HMGB1: variants seen among roughly 807,000 people sequenced by gnomAD.
HMGB1 encodes high mobility group box 1.
For synonymous variants in HMGB1, 81 were observed against 84.0 expected, an observed-to-expected ratio of 0.96 and a Z score of 0.19; for missense variants, 79 against 253.5, an observed-to-expected ratio of 0.31 and a Z score of 4.67.
At chr13:30,478,150 G>C (rs910028109) in intron 1 of HMGB1, among the ~76,000 whole-genome samples, 4 of 152,170 alleles carry the variant, frequency 2.6e-5, no homozygotes, top group African/African-American at 7.2e-5. Context: ...TTTGACCAGT[G>C]ATTTTGCTTC....
chr13:30,469,554 C>G (rs1425502704), upstream of HMGB1, among the ~76,000 whole-genome samples: 1 of 120,330 alleles, frequency 8.3e-6, no homozygotes, highest in African/African-American at 2.6e-5. Context: ...GCAGCCTTGA[C>G]TTTCTGGGAC....
intron 1 of HMGB1, among the ~76,000 whole-genome samples, chr13:30,594,200 T>A (rs1274214008): frequency 6.6e-6 from 1 of 152,272 alleles, no homozygotes; most frequent in Non-Finnish European, 1.5e-5. Context: ...TCTTTATTTT[T>A]AAATTTAATT....
intron 1 of HMGB1, among the ~76,000 whole-genome samples, chr13:30,550,401 G>A (rs1869369505): frequency 6.6e-6 from 1 of 152,248 alleles, no homozygotes; most frequent in Non-Finnish European, 1.5e-5. Context: ...AGTGTGAGCA[G>A]TGCTAACGAC....
At chr13:30,592,333 A>T (rs1357547331) in intron 1 of HMGB1, among the ~76,000 whole-genome samples, 3 of 152,200 alleles carry the variant, frequency 2.0e-5, no homozygotes, top group Admixed American at 2.0e-4. Flanking sequence ...CACATAATTT[A>T]GAATGGGTAA....
chr13:30,611,967 TTC>T (rs1233046851), intron 1 of HMGB1, among the ~76,000 whole-genome samples: 3 of 152,046 alleles, frequency 2.0e-5, no homozygotes, highest in African/African-American at 4.8e-5. Flanking sequence ...ATTTAATACA[TTC>T]TGTTTTAAAA....
At chr13:30,516,776 G>A (rs1206033602) in intron 1 of HMGB1, among the ~76,000 whole-genome samples, 1 of 152,050 alleles carries the variant, frequency 6.6e-6, no homozygotes, top group Non-Finnish European at 1.5e-5. Flanking sequence ...AATTAGCCAG[G>A]AGTGGTGGTA....
intron 1 of HMGB1, among the ~76,000 whole-genome samples, chr13:30,546,902 C>T (rs1479639884): frequency 2.0e-5 from 3 of 152,234 alleles, no homozygotes; most frequent in Non-Finnish European, 2.9e-5. Flanking sequence ...TCTTAACTAA[C>T]CCCCTACAAC....
chr13:30,613,514 A>C (rs1037165870), intron 1 of HMGB1, among the ~76,000 whole-genome samples: 2 of 152,230 alleles, frequency 1.3e-5, no homozygotes, highest in African/African-American at 4.8e-5. Flanking sequence ...TGCTGTTTTC[A>C]TATGCTGCTC....
intron 1 of HMGB1, among the ~76,000 whole-genome samples, chr13:30,569,440 T>A (rs1297907549): frequency 1.3e-5 from 2 of 152,190 alleles, no homozygotes; most frequent in African/African-American, 4.8e-5. Flanking sequence ...ACAAGCCTAG[T>A]TCCTTTTTCA....
At chr13:30,613,476 A>T (rs555016652) in intron 1 of HMGB1, among the ~76,000 whole-genome samples, 1 of 152,362 alleles carries the variant, frequency 6.6e-6, no homozygotes, top group South Asian at 2.1e-4. Flanking sequence ...TGAGCTGGAA[A>T]GAACAAACCT....
intron 1 of HMGB1, among the ~76,000 whole-genome samples, chr13:30,471,336 T>G (rs1208946238): frequency 6.6e-6 from 1 of 152,060 alleles, no homozygotes; most frequent in African/African-American, 2.4e-5. Context: ...TTGGTTTTTT[T>G]GTTTTTTTGT....
At chr13:30,539,672 G>C in intron 1 of HMGB1, 1 of 242,346 alleles carries the variant, frequency 4.1e-6, no homozygotes, top group Non-Finnish European at 8.1e-6. Context: ...CTTCATGAAA[G>C]GAATGAGGTG....
At chr13:30,577,771 C>A (rs187083019) in intron 1 of HMGB1, among the ~76,000 whole-genome samples, 1 of 152,328 alleles carries the variant, frequency 6.6e-6, no homozygotes. Flanking sequence ...ATGCTTACAA[C>A]ACAGCTTGGC....
At chr13:30,479,453 A>T (rs932390064) in intron 1 of HMGB1, among the ~76,000 whole-genome samples, 3 of 152,154 alleles carry the variant, frequency 2.0e-5, no homozygotes, top group African/African-American at 4.8e-5. Flanking sequence ...CAGAATTCCC[A>T]CACTGGCTCA....
chr13:30,523,763 T>C lies in HMGB1; in HGVS notation c.-14-60069A>G, dbSNP rs567956113. Among the ~76,000 whole-genome samples, 20 of 148,558 alleles carry C rather than the reference T, an allele frequency of 1.3e-4. No homozygotes were observed. In the South Asian group the frequency reaches 4.2e-3, roughly 32 times the overall value. The stretch of plus-strand genomic sequence containing the variant: ...GCCCTTTTTTTTTGTTTGTTTGAGA[T>C]GGGGCCTCACTCTATTGCCCAGGCT... On this transcript the variant is annotated intron_variant, in intron 1 of 4. Coordinates refer to the HMGB1 transcript ENST00000405805.
chr13:30,596,155 C>G (rs1446944873), intron 1 of HMGB1, among the ~76,000 whole-genome samples: 3 of 152,174 alleles, frequency 2.0e-5, no homozygotes, highest in South Asian at 4.1e-4. Flanking sequence ...ACTGAATAAT[C>G]TGGCCAGTAA....
intron 1 of HMGB1, among the ~76,000 whole-genome samples, chr13:30,558,104 A>T (rs1869768086): frequency 6.6e-6 from 1 of 152,070 alleles, no homozygotes; most frequent in Non-Finnish European, 1.5e-5. Flanking sequence ...TAAAAAAAAA[A>T]GGATAATGAA....
intron 1 of HMGB1, chr13:30,464,761 TTGTGTGTGTGTGTGTG>T (rs376284891): frequency 1.8e-5 from 3 of 164,078 alleles, no homozygotes; most frequent in African/African-American, 7.7e-5. Flanking sequence ...CTCCTTCCCT[TTGTGTGTGTGTGTGTG>T]TGTGTGTGTG....
Position 30,463,258 on chromosome 13 carries a change from T to C in HMGB1, c.245A>G (p.Lys82Arg). 1 of 1,605,558 alleles carries C rather than the reference T, an allele frequency of 6.2e-7. No homozygotes were observed. Reference protein sequence around the residue: ...EREMKTYIPPKGETKKKFKDP... With the variant: ...EREMKTYIPPRGETKKKFKDP... ...CTTGAACTTCTTTTTTGTCTCCCCTTTGGGAGGGATATAGGTTTTCATTTC... is the reference window on the plus strand; with the variant it reads ...CTTGAACTTCTTTTTTGTCTCCCCTCTGGGAGGGATATAGGTTTTCATTTC... The change falls in exon 3 of 5, where the codon AAA (lysine) becomes AGA (arginine). Residue 82 changes from lysine to arginine, a missense_variant. Physicochemically the swap from Lys to Arg is conservative, Grantham distance 26. Transcript: ENST00000341423.
Sources: allele counts gnomAD v4.1 joint callset (sites outside exome capture counted in the v4.1 genomes callset), GRCh38; gene constraint gnomAD v4.1.1; transcripts MANE v1.5; gene names NCBI Gene and HGNC (gene_info 2026-07-23, HGNC 2026-07-21).